NKAIN2: variants seen among roughly 807,000 people sequenced by gnomAD.
NKAIN2 encodes sodium/potassium-transporting ATPase subunit beta-1-interacting protein 2.
Under a neutral mutation model 32.6 loss-of-function variants are expected in NKAIN2, and 14 were observed. The ratio of observed to expected loss-of-function variants is 0.43; its 90% CI spans 0.28 to 0.67. The LOEUF is 0.67. Ranked by LOEUF, NKAIN2 falls within the 30% of genes least tolerant of loss-of-function variation. The pLI, the probability that NKAIN2 is intolerant of heterozygous loss-of-function variation, is 0.17. For missense variants in NKAIN2, 198 were observed against 258.3 expected (o/e 0.77, Z 1.60); for synonymous variants, 80 against 87.2 (o/e 0.92, Z 0.46).
intron 1 of NKAIN2, among the ~76,000 whole-genome samples, chr6:124,148,281 T>C (rs1787522304): frequency 8.2e-6 from 1 of 122,424 alleles, no homozygotes; most frequent in African/African-American, 3.0e-5. Context: ...AAATCAATTC[T>C]TTTTAACTTA....
intron 1 of NKAIN2, among the ~76,000 whole-genome samples, chr6:123,868,542 T>C (rs1164943458): frequency 1.3e-5 from 2 of 152,190 alleles, no homozygotes; most frequent in African/African-American, 4.8e-5. Context: ...TCCAGCTGAG[T>C]TTCTCAGTAA....
At chr6:123,899,091 A>G (rs1460705884) in intron 1 of NKAIN2, among the ~76,000 whole-genome samples, 2 of 152,244 alleles carry the variant, frequency 1.3e-5, no homozygotes, top group African/African-American at 4.8e-5. Flanking sequence ...ACTTTAGGCC[A>G]TATGAATAAA....
At chr6:124,195,964 C>T (rs1445032207) in intron 1 of NKAIN2, among the ~76,000 whole-genome samples, 1 of 151,994 alleles carries the variant, frequency 6.6e-6, no homozygotes, top group African/African-American at 2.4e-5. Flanking sequence ...TTCTCTAATA[C>T]ATACATTTAA....
intron 3 of NKAIN2, among the ~76,000 whole-genome samples, chr6:124,499,288 T>C (rs1161720431): frequency 6.6e-6 from 1 of 152,174 alleles, no homozygotes; most frequent in Non-Finnish European, 1.5e-5. Context: ...CAGGCCCTAC[T>C]GGAAAATGTT....
chr6:124,467,972 AC>A (rs1453480458), intron 3 of NKAIN2, among the ~76,000 whole-genome samples: 1 of 152,102 alleles, frequency 6.6e-6, no homozygotes, highest in African/African-American at 2.4e-5. Context: ...GGGTAATAGA[AC>A]TCACATCATT....
At position 124,068,010 on chromosome 6, in the gene NKAIN2, A is replaced by G. The variant is rs375269885; in HGVS notation, c.55-214995A>G. Among the ~76,000 whole-genome samples, 86 of 152,322 alleles carry G rather than the reference A, an allele frequency of 5.6e-4. 1 individual carries two copies. In the South Asian group the frequency reaches 8.9e-3, roughly 16 times the overall value. On this transcript the variant is annotated intron_variant, in intron 1 of 6. Coordinates refer to ENST00000368417, the MANE Select transcript of NKAIN2 (RefSeq NM_001040214.3). Reference sequence around the variant, plus strand: ...TCACATCTACTAACTCATGTAATCCATAATATAACTTTATGAAATCAGTAC... The same window carrying G: ...TCACATCTACTAACTCATGTAATCCGTAATATAACTTTATGAAATCAGTAC...
intron 3 of NKAIN2, among the ~76,000 whole-genome samples, chr6:124,640,523 G>A (rs1783946408): frequency 1.3e-5 from 2 of 152,134 alleles, no homozygotes; most frequent in South Asian, 4.2e-4. Flanking sequence ...CTGTGGGGAG[G>A]GAACAAACAG....
chr6:124,741,282 A>T, intron 4 of NKAIN2, among the ~76,000 whole-genome samples: 1 of 151,778 alleles, frequency 6.6e-6, no homozygotes, highest in East Asian at 1.9e-4. Context: ...CTGGAGATAG[A>T]AATTTGGGAT....
intron 4 of NKAIN2, among the ~76,000 whole-genome samples, chr6:124,726,381 C>T (rs1043969942): frequency 9.2e-5 from 14 of 152,328 alleles, no homozygotes; most frequent in South Asian, 4.1e-4. Flanking sequence ...AGACTGCCTC[C>T]TCAAGTGGGT....
intron 1 of NKAIN2, among the ~76,000 whole-genome samples, chr6:124,203,613 G>C (rs557824791): frequency 1.4e-4 from 22 of 151,910 alleles, no homozygotes; most frequent in South Asian, 6.2e-4. Flanking sequence ...CAGGTGGTTG[G>C]AGTGGTTGAA....
intron 1 of NKAIN2, among the ~76,000 whole-genome samples, chr6:124,177,665 T>A (rs1789228618): frequency 6.6e-6 from 1 of 152,066 alleles, no homozygotes; most frequent in Non-Finnish European, 1.5e-5. Flanking sequence ...AATCCTAACC[T>A]CCAAGGAGCT....
chr6:124,136,516 A>G (rs979348955), intron 1 of NKAIN2, among the ~76,000 whole-genome samples: 1 of 152,160 alleles, frequency 6.6e-6, no homozygotes, highest in Non-Finnish European at 1.5e-5. Flanking sequence ...TGAAGCCAGT[A>G]TTATCGTTAA....
intron 4 of NKAIN2, among the ~76,000 whole-genome samples, chr6:124,710,393 TTC>T (rs1775379412): frequency 6.6e-6 from 1 of 151,350 alleles, no homozygotes; most frequent in African/African-American, 2.4e-5. Context: ...CTTGTTGACT[TTC>T]TGTCTCGTTG....
At chr6:124,155,813 A>G (rs1787954948) in intron 1 of NKAIN2, among the ~76,000 whole-genome samples, 1 of 152,158 alleles carries the variant, frequency 6.6e-6, no homozygotes, top group African/African-American at 2.4e-5. Flanking sequence ...TTTCAAGGGT[A>G]CAAGGAAATG....
chr6:124,538,104 A>G (rs1374906468), intron 3 of NKAIN2, among the ~76,000 whole-genome samples: 1 of 152,082 alleles, frequency 6.6e-6, no homozygotes. Flanking sequence ...AGTTTATTCA[A>G]TACATTCAGT....
intron 1 of NKAIN2, among the ~76,000 whole-genome samples, chr6:123,921,311 T>C (rs1434882149): frequency 6.6e-6 from 1 of 152,212 alleles, no homozygotes; most frequent in Non-Finnish European, 1.5e-5. Context: ...ATAAACTATA[T>C]GTTAAAGCAA....
intron 1 of NKAIN2, among the ~76,000 whole-genome samples, chr6:124,239,694 CA>C (rs1792969126): frequency 6.6e-6 from 1 of 151,984 alleles, no homozygotes; most frequent in Non-Finnish European, 1.5e-5. Context: ...TCTTTGAAAC[CA>C]ATGAGAACAA....
intron 1 of NKAIN2, among the ~76,000 whole-genome samples, chr6:123,841,426 G>A (rs1774864216): frequency 6.6e-6 from 1 of 152,192 alleles, no homozygotes; most frequent in South Asian, 2.1e-4. Context: ...ACATAAGGCT[G>A]AAAGGAGTGA....
chr6:123,836,342 T>C (rs1359832962), intron 1 of NKAIN2, among the ~76,000 whole-genome samples: 1 of 152,084 alleles, frequency 6.6e-6, no homozygotes, highest in African/African-American at 2.4e-5. Flanking sequence ...CTTAACCAAA[T>C]GACAAAGATT....
Sources: allele counts gnomAD v4.1 joint callset (sites outside exome capture counted in the v4.1 genomes callset), GRCh38; gene constraint gnomAD v4.1.1; transcripts MANE v1.5; gene names NCBI Gene and HGNC (gene_info 2026-07-23, HGNC 2026-07-21).